The following CYP2A6 variants were observed in gnomAD, a reference collection of about 807,000 sequenced individuals.
The protein encoded by CYP2A6 is cytochrome P450 family 2 subfamily A member 6, also known as cytochrome P450 2A6.
A neutral mutation model predicts 42.3 loss-of-function variants in CYP2A6; 27 were observed. That is an observed-to-expected ratio of 0.64 (90% confidence interval 0.47 to 0.88). The LOEUF (loss-of-function observed/expected upper bound fraction) is 0.88, where lower values mean the gene tolerates loss of function less well. Among genes scored for constraint, CYP2A6 ranks in the 40% least tolerant of loss-of-function variants. The pLI is 0.00. For missense variants in CYP2A6, 628 were observed against 646.0 expected (o/e 0.97, Z 0.30); for synonymous variants, 238 against 246.3 (o/e 0.97, Z 0.31).
At position 40,849,439 on chromosome 19, in the gene CYP2A6, A is replaced by G. The variant is rs1967180979; in HGVS notation, c.343+379T>C. ...TCCTAAGACAGAGGAAGAAGTGAGA[A>G]AGGGATGCGGAGAGATGAGAAACAC... is the stretch of plus-strand genomic sequence containing the variant. On this transcript the variant is annotated intron_variant, in intron 2 of 8. Transcript: ENST00000301141. 2.0e-5 allele frequency among the ~76,000 whole-genome samples: 3 copies of G among 151,426 alleles called. 1 individual carries two copies. The South Asian group carries it at 6.3e-4, about 32-fold the overall frequency.
chr19:40,849,905 C>T lies in CYP2A6; in HGVS notation c.256G>A (p.Ala86Thr). The change falls in exon 2 of 9, where the codon GCC (alanine) becomes ACC (threonine). Residue 86 changes from alanine (A) to threonine (T), a missense_variant. By Grantham distance (58) the Ala-to-Thr change is moderately conservative. Coordinates refer to ENST00000301141, the MANE Select transcript of CYP2A6 (RefSeq NM_000762.6). ...TGGTCCACCAGAGCCTCCCTGACGG[C>T]ATCATGTCCACACAGCACCACGACC... ...RRVVVLCGHD[A>T]VREALVDQAE... The T allele has an allele frequency of 6.2e-7, 1 of 1,611,646 alleles. No individual in the cohort carries two copies. The highest frequency in any genetic ancestry group is 8.5e-7 in the Non-Finnish European group (1 of 1,179,746).
In CYP2A6 at chr19:40,850,331, C is replaced by A. The variant is rs1967198800; in HGVS notation, c.96G>T (p.Lys32Asn). The A allele has an allele frequency of 6.2e-7, 1 of 1,610,066 alleles. No individual in the cohort carries two copies. The highest frequency in any genetic ancestry group is 1.3e-5 in the African/African-American group (1 of 74,566). The change falls in exon 1 of 9, where the codon AAG becomes AAT. Residue 32 changes from lysine to asparagine, a missense_variant. Coordinates refer to ENST00000301141, the MANE Select transcript of CYP2A6 (RefSeq NM_000762.6). ...SVWQQRKSKG[K>N]LPPGPTPLPF... ...GCAATGGGGTGGGTCCCGGAGGCAG[C>A]TTCCCCTTGCTCTTCCTCTGCTGCC...
rs747696963 is a variant in CYP2A6 at position 40,845,399 on chromosome 19, C to A, written c.1056G>T (p.Met352Ile). Residue 352 changes from methionine (M) to isoleucine (I), a missense_variant, in exon 7 of 9, where the codon ATG (methionine) becomes ATT (isoleucine). Around this residue, in one of 2 missense-constraint regions of CYP2A6, gnomAD observed 606 missense variants for 568.1 expected, o/e 1.07. Coordinates refer to ENST00000301141, the MANE Select transcript of CYP2A6 (RefSeq NM_000762.6). The stretch of plus-strand genomic sequence containing the variant: ...TTTGGATCTCGTGGATCACTGCCTC[C>A]ATGTAGGGCATCTTGGCCCGGTCCT... ...KFEDRAKMPY[M>I]EAVIHEIQRF... 6.2e-7 allele frequency: 1 copy of A among 1,611,656 alleles called. No homozygotes were observed. Among genetic ancestry groups the A allele is most frequent in the Non-Finnish European group, 8.5e-7 (1 of 1,179,926 alleles).
intron 7 of CYP2A6, 49 bp downstream of exon 7, chr19:40,845,245 G>A: frequency 1.9e-6 from 3 of 1,605,994 alleles, no homozygotes; most frequent in South Asian, 2.2e-5. Flanking sequence ...TGGGGACACA[G>A]AGAGGGGCTG....
At chr19:40,846,574 C>G (rs1288208001) in intron 5 of CYP2A6, among the ~76,000 whole-genome samples, 1 of 151,304 alleles carries the variant, frequency 6.6e-6, no homozygotes. Flanking sequence ...GATCTTGGCT[C>G]ATTGCAACCT....
intron 7 of CYP2A6, 139 bp downstream of exon 7, chr19:40,845,155 T>A (rs908201074): frequency 9.9e-7 from 1 of 1,012,062 alleles, no homozygotes; most frequent in Non-Finnish European, 1.5e-6. Flanking sequence ...GTGGAACGGA[T>A]GTGGTGGTTG....
intron 2 of CYP2A6, 47 bp downstream of exon 2, chr19:40,849,771 C>G: frequency 6.2e-7 from 1 of 1,606,248 alleles, no homozygotes; most frequent in South Asian, 1.1e-5. Context: ...AACACTGAGA[C>G]CTTCGTGTCC....
At chr19:40,844,041 C>T in intron 8 of CYP2A6, 64 bp from the exon 9 acceptor site, 1 of 1,506,480 alleles carries the variant, frequency 6.6e-7, no homozygotes, top group East Asian at 2.5e-5. Flanking sequence ...CGCCCCAGTA[C>T]CGACCTCCAG....
Position 40,844,652 on chromosome 19 carries a change from C to G in CYP2A6, c.1282G>C (p.Ala428Pro). 6.2e-7 allele frequency: 1 copy of G among 1,611,678 alleles called. No homozygotes were observed. The highest frequency in any genetic ancestry group is 1.1e-5 in the South Asian group (1 of 90,906). ...TTACCGATGGAAAAGGGCACAAAAGCATCACTCTTCTTAAACTGCCCCTTC... is the reference window on the plus strand; with the variant it reads ...TTACCGATGGAAAAGGGCACAAAAGGATCACTCTTCTTAAACTGCCCCTTC... Reference protein sequence around the residue: ...NEKGQFKKSDAFVPFSIGKRN... With the variant: ...NEKGQFKKSDPFVPFSIGKRN... The change falls in exon 8 of 9, where the codon GCT becomes CCT. Residue 428 changes from alanine to proline, a missense_variant. By Grantham distance (27) the Ala-to-Pro change is conservative (BLOSUM62 -1). Around this residue, in one of 2 missense-constraint regions of CYP2A6, gnomAD observed 606 missense variants for 568.1 expected, o/e 1.07. Coordinates refer to ENST00000301141, the MANE Select transcript of CYP2A6 (RefSeq NM_000762.6).
chr19:40,845,515 A>C (rs758499319), intron 6 of CYP2A6, 34 bp from the exon 7 acceptor site: 1 of 1,607,258 alleles, frequency 6.2e-7, no homozygotes, highest in African/African-American at 1.3e-5. Flanking sequence ...TTAGGTATCT[A>C]GGGGTCTCAG....
intron 5 of CYP2A6, 23 bp downstream of exon 5, chr19:40,846,852 C>T: frequency 1.2e-6 from 2 of 1,609,972 alleles, no homozygotes; most frequent in South Asian, 1.1e-5. Context: ...TTGCATCTCC[C>T]CGCAGTGGCT....
intron 7 of CYP2A6, 105 bp from the exon 8 acceptor site, chr19:40,844,877 G>A: frequency 2.1e-6 from 3 of 1,446,800 alleles, no homozygotes; most frequent in African/African-American, 1.4e-5. Flanking sequence ...AGGGGAAGTG[G>A]CAGGCATGGA....
intron 6 of CYP2A6, 89 bp from the exon 7 acceptor site, chr19:40,845,570 T>A: frequency 6.4e-7 from 1 of 1,558,776 alleles, no homozygotes; most frequent in South Asian, 1.2e-5. Flanking sequence ...GTGGATGATA[T>A]GGCTCCGCCT....
At chr19:40,849,036 A>G (rs200110220) in intron 2 of CYP2A6, among the ~76,000 whole-genome samples, 3,238 of 12,884 alleles carry the variant, frequency 0.25, 664 homozygotes, top group African/African-American at 0.39. Context: ...GAGAGAGAGA[A>G]GAGAGAGAGG....
rs1487898412 is a variant in CYP2A6 at position 40,846,001 on chromosome 19, G to A, written c.928C>T (p.Leu310=). The A allele has an allele frequency of 2.5e-6, 4 of 1,611,524 alleles. No homozygotes were observed. Among genetic ancestry groups the A allele is most frequent in the Non-Finnish European group, 3.4e-6 (4 of 1,179,856 alleles). ...IGGTETVSTT[L]RYGFLLLMKH... is the part of the protein sequence containing the mutation. ...ATGAGCAGCAAGAAGCCATAGCGCAGGGTGGTGCTGACGGTCTCGGTGCCC... is the reference window on the plus strand; with the variant it reads ...ATGAGCAGCAAGAAGCCATAGCGCAAGGTGGTGCTGACGGTCTCGGTGCCC... The change falls in exon 6 of 9, where the codon CTG becomes TTG. Residue 310 remains leucine (L), a synonymous_variant. Coordinates refer to ENST00000301141, the MANE Select transcript of CYP2A6 (RefSeq NM_000762.6).
Position 40,848,364 on chromosome 19 carries a change from G to C in CYP2A6, c.509C>G (p.Pro170Arg). ...GACTGTGCGGCTCAGGAAGAAGGTG[G>C]GATCGATATTGGCGCCTGCGGGTAT... ...LRGTGGANID[P>R]TFFLSRTVSN... Residue 170 changes from proline to arginine, a missense_variant, in exon 4 of 9, where the codon CCC becomes CGC. Pro to Arg is a moderately radical substitution (Grantham distance 103, BLOSUM62 -2). Transcript: ENST00000301141. 1 of 1,611,932 alleles carries C rather than the reference G, an allele frequency of 6.2e-7. No individual in the cohort carries two copies. Among genetic ancestry groups the C allele is most frequent in the Non-Finnish European group, 8.5e-7 (1 of 1,179,944 alleles).
intron 7 of CYP2A6, 81 bp from the exon 8 acceptor site, chr19:40,844,853 G>C: frequency 6.6e-7 from 1 of 1,516,392 alleles, no homozygotes; most frequent in Non-Finnish European, 8.9e-7. Context: ...GGGGGAACTA[G>C]TGTGCCCCAG....
At chr19:40,850,210 C>A (rs1469979866) in intron 1 of CYP2A6, 37 bp downstream of exon 1, 2 of 1,591,378 alleles carry the variant, frequency 1.3e-6, no homozygotes, top group Non-Finnish European at 1.7e-6. Context: ...CTAGGCAGCC[C>A]CCACCCCGTG....
At chr19:40,849,225 A>G (rs983944477) in intron 2 of CYP2A6, among the ~76,000 whole-genome samples, 3 of 151,034 alleles carry the variant, frequency 2.0e-5, no homozygotes, top group African/African-American at 7.3e-5. Flanking sequence ...TGATGGAGGA[A>G]GAGGATGGAG....
Sources: gnomAD v4.1 joint callset for allele counts (sites outside exome capture counted in the v4.1 genomes callset) on GRCh38, gnomAD v4.1.1 for gene constraint, gnomAD v4.1.1 regional missense constraint, MANE v1.5 for transcripts, NCBI Gene and HGNC (gene_info 2026-07-23, HGNC 2026-07-21) for gene names.